AKAP6: variants seen among roughly 807,000 people sequenced by gnomAD.
AKAP6 encodes A-kinase anchoring protein 6.
A neutral mutation model predicts 188.5 loss-of-function variants in AKAP6; 58 were observed. The observed-to-expected ratio is 0.31, with a 90% CI of 0.25 to 0.38. The LOEUF (loss-of-function observed/expected upper bound fraction) is 0.38, where lower values mean the gene tolerates loss of function less well. Among genes scored for constraint, AKAP6 ranks in the 10% least tolerant of loss-of-function variants. The pLI is 1.00. For missense variants in AKAP6, 2,710 were observed against 2,740.0 expected (o/e 0.99, Z 0.24); for synonymous variants, 989 against 998.6 (o/e 0.99, Z 0.18).
chr14:32,369,767 C>G (rs1165956469), intron 1 of AKAP6, among the ~76,000 whole-genome samples: 1 of 152,124 alleles, frequency 6.6e-6, no homozygotes, highest in Middle Eastern at 3.2e-3. Context: ...TGTGTAAGTT[C>G]CCTTTAAATC....
chr14:32,566,377 G>T (rs1383387700), intron 4 of AKAP6, among the ~76,000 whole-genome samples: 2 of 151,856 alleles, frequency 1.3e-5, no homozygotes, highest in African/African-American at 2.4e-5. Flanking sequence ...TTGTTAAAAT[G>T]AATATTGATA....
chr14:32,589,186 A>G (rs902308240), intron 5 of AKAP6, among the ~76,000 whole-genome samples: 6 of 152,194 alleles, frequency 3.9e-5, no homozygotes, highest in African/African-American at 1.2e-4. Flanking sequence ...ATGAGCTATG[A>G]GAGTTTCACT....
intron 12 of AKAP6, among the ~76,000 whole-genome samples, chr14:32,815,710 A>G (rs1389758593): frequency 1.3e-5 from 2 of 152,190 alleles, no homozygotes; most frequent in Admixed American, 6.5e-5. Context: ...ATTCAGCCAT[A>G]CTATCGTCTC....
intron 11 of AKAP6, among the ~76,000 whole-genome samples, chr14:32,741,825 T>G (rs1374998088): frequency 6.8e-6 from 1 of 146,082 alleles, no homozygotes; most frequent in Non-Finnish European, 1.5e-5. Context: ...GTAGGTTTTT[T>G]TTTTTTTTTT....
chr14:32,512,405 G>T (rs1566547995), intron 2 of AKAP6, among the ~76,000 whole-genome samples: 1 of 152,154 alleles, frequency 6.6e-6, no homozygotes, highest in South Asian at 2.1e-4. Flanking sequence ...TTAATCTGGA[G>T]GTTTAGAAAG....
chr14:32,400,577 A>AAAAAAAAAAAAAAAAAC (rs1889053429), intron 1 of AKAP6, among the ~76,000 whole-genome samples: 1 of 150,140 alleles, frequency 6.7e-6, no homozygotes, highest in African/African-American at 2.4e-5. Context: ...AAAAAAAAAA[A>AAAAAAAAAAAAAAAAAC]AAGACAGTAA....
intron 7 of AKAP6, among the ~76,000 whole-genome samples, chr14:32,647,684 A>T (rs1191162448): frequency 6.6e-6 from 1 of 152,146 alleles, no homozygotes; most frequent in Non-Finnish European, 1.5e-5. Context: ...CAGACTGCTA[A>T]AATCTAGGCA....
intron 4 of AKAP6, among the ~76,000 whole-genome samples, chr14:32,560,812 G>A (rs929535263): frequency 6.6e-6 from 1 of 152,048 alleles, no homozygotes; most frequent in African/African-American, 2.4e-5. Context: ...TCATAATTTT[G>A]TGTTGCTGGT....
At chr14:32,416,237 AC>A (rs1889652690) in intron 1 of AKAP6, among the ~76,000 whole-genome samples, 1 of 152,164 alleles carries the variant, frequency 6.6e-6, no homozygotes, top group South Asian at 2.1e-4. Context: ...TTTTGATAGT[AC>A]CCATACCAGT....
chr14:32,580,543 A>C (rs1050328406), intron 5 of AKAP6, among the ~76,000 whole-genome samples: 1 of 151,526 alleles, frequency 6.6e-6, no homozygotes, highest in Non-Finnish European at 1.5e-5. Flanking sequence ...CTTTAGTCAC[A>C]CTCTTCATTT....
rs182736549 is a variant in AKAP6, at chr14:32,835,011, T to C, written c.*5206T>C. 1.2e-3 allele frequency: 183 copies of C among 152,342 alleles called. 1 individual carries two copies. Among genetic ancestry groups the C allele is most frequent in the African/African-American group, 4.3e-3 (179 of 41,580 alleles). 9.4% of individuals were successfully genotyped at this position (152,342 alleles called of 1,614,324 possible). A position where few individuals can be genotyped will look rare whatever the true frequency, so the allele number is the denominator to read the frequency against. ...ATCATATGAAATTTAAATTTTGGTG[T>C]CCATGTATAAAGTTTTATTAGAACA... is the stretch of plus-strand genomic sequence containing the variant. On this transcript the variant is annotated 3_prime_UTR_variant, in exon 14 of 14. Transcript: ENST00000280979.
In AKAP6 at chr14:32,817,443, C is replaced by T. The variant is rs2034409277; in HGVS notation, c.3589-3959C>T. 3.4e-5 allele frequency among the ~76,000 whole-genome samples: 5 copies of T among 148,890 alleles called. No homozygotes were observed. The South Asian group carries it at 1.1e-3, about 32-fold the overall frequency. On this transcript the variant is annotated intron_variant, in intron 12 of 13. Transcript: ENST00000280979. ...AATTCCATTTGTTTCTTGAGCAGAT[C>T]TGTATAGCTGTGTGTGTGTGTGTGT...
chr14:32,415,480 CTATT>C (rs1355077350), intron 1 of AKAP6, among the ~76,000 whole-genome samples: 7 of 152,080 alleles, frequency 4.6e-5, no homozygotes, highest in Non-Finnish European at 1.0e-4. Flanking sequence ...CATTTCTTTT[CTATT>C]TCTCAGTGCT....
intron 9 of AKAP6, chr14:32,718,215 G>A: frequency 1.1e-6 from 1 of 875,956 alleles, no homozygotes; most frequent in Non-Finnish European, 1.4e-6. Context: ...TAAGACAGAA[G>A]TAATATTACT....
chr14:32,511,059 A>T (rs1881230881), intron 2 of AKAP6, among the ~76,000 whole-genome samples: 1 of 152,178 alleles, frequency 6.6e-6, no homozygotes, highest in Non-Finnish European at 1.5e-5. Context: ...TGGAGCACAA[A>T]TCCTTGATAC....
At chr14:32,343,175 A>C (rs1301348472) in intron 1 of AKAP6, among the ~76,000 whole-genome samples, 1 of 152,054 alleles carries the variant, frequency 6.6e-6, no homozygotes, top group African/African-American at 2.4e-5. Context: ...GTGCCCAGGG[A>C]AACTTGCCTA....
Position 32,829,879 on chromosome 14 carries a change from A to AAC in AKAP6, c.*74_*75insAC, listed in dbSNP as rs2034783731. 1.4e-6 allele frequency: 1 copy of AAC among 702,468 alleles called. No individual in the cohort carries two copies. Among genetic ancestry groups the AAC allele is most frequent in the Non-Finnish European group, 2.6e-6 (1 of 384,660 alleles). 43.5% of individuals were successfully genotyped at this position (702,468 alleles called of 1,614,324 possible). ...CTGGCTGCAACTCAGGGGTGGCCTCATCCTCCCGCCCTGGGCTGGCCTCTG... is the reference window on the plus strand; with the variant it reads ...CTGGCTGCAACTCAGGGGTGGCCTCAACTCCTCCCGCCCTGGGCTGGCCTCTG... On this transcript the variant is annotated 3_prime_UTR_variant, in exon 14 of 14. Transcript: ENST00000280979.
chr14:32,664,107 C>T (rs1370001634), intron 7 of AKAP6, among the ~76,000 whole-genome samples: 2 of 151,988 alleles, frequency 1.3e-5, no homozygotes, highest in Non-Finnish European at 2.9e-5. Flanking sequence ...CTGTCTCTTA[C>T]TTAGAATATC....
At chr14:32,373,091 C>A (rs1415291754) in intron 1 of AKAP6, among the ~76,000 whole-genome samples, 1 of 149,166 alleles carries the variant, frequency 6.7e-6, no homozygotes, top group Non-Finnish European at 1.5e-5. Context: ...AAATTTATGG[C>A]TTTTTTGGGG....
Sources: allele counts gnomAD v4.1 joint callset (sites outside exome capture counted in the v4.1 genomes callset), GRCh38; gene constraint gnomAD v4.1.1; transcripts MANE v1.5; gene names NCBI Gene and HGNC (gene_info 2026-07-23, HGNC 2026-07-21).